Variants in ADAMTS17 observed in about 807,000 individuals in gnomAD.
ADAMTS17 encodes the protein ADAM metallopeptidase with thrombospondin type 1 motif 17.
A neutral mutation model predicts 141.5 loss-of-function variants in ADAMTS17; 113 were observed. The ratio of observed to expected loss-of-function variants is 0.80; its 90% CI spans 0.69 to 0.93. The LOEUF is 0.93. Among genes scored for constraint, ADAMTS17 ranks in the 40% least tolerant of loss-of-function variants. The pLI is 0.00. For missense variants in ADAMTS17, 1,659 were observed against 1,517.9 expected, an observed-to-expected ratio of 1.09 and a Z score of -1.54; for synonymous variants, 768 against 630.6, an observed-to-expected ratio of 1.22 and a Z score of -3.27.
intron 6 of ADAMTS17, among the ~76,000 whole-genome samples, chr15:100,257,954 T>C (rs60809787): frequency 0.045 from 6,781 of 152,284 alleles, 288 homozygotes; most frequent in African/African-American, 0.11. Flanking sequence ...CCATTCTTTA[T>C]CTCTACGAAT....
chr15:100,225,084 T>C (rs1290395657), intron 7 of ADAMTS17, among the ~76,000 whole-genome samples: 1 of 152,236 alleles, frequency 6.6e-6, no homozygotes, highest in Non-Finnish European at 1.5e-5. Flanking sequence ...AACCTGCCTT[T>C]GTAGGCTGAA....
rs560901343 is a variant in ADAMTS17 at position 100,337,989 on chromosome 15, A to C, written c.450+3050T>G. 5.9e-5 allele frequency among the ~76,000 whole-genome samples: 9 copies of C among 152,344 alleles called. 1 individual carries two copies. In the South Asian group the frequency reaches 1.9e-3, roughly 32 times the overall value. On this transcript the variant is annotated intron_variant, in intron 2 of 21. Coordinates refer to ENST00000268070, the MANE Select transcript of ADAMTS17 (RefSeq NM_139057.4). The stretch of plus-strand genomic sequence containing the variant: ...TGTAAAGGCCTTCCTCAGACACCTG[A>C]AGTTCATGCTTTGAAATGATATGCT...
At chr15:100,189,071 G>A (rs549710411) in intron 8 of ADAMTS17, among the ~76,000 whole-genome samples, 1 of 152,162 alleles carries the variant, frequency 6.6e-6, no homozygotes, top group Admixed American at 6.5e-5. Flanking sequence ...CGAGTCCCCT[G>A]GCAGGCCTGA....
At chr15:100,108,614 C>T (rs937472350) in intron 14 of ADAMTS17, among the ~76,000 whole-genome samples, 14 of 152,360 alleles carry the variant, frequency 9.2e-5, no homozygotes, top group African/African-American at 3.4e-4. Context: ...GTGACCTGCA[C>T]AGGCATTGGC....
intron 21 of ADAMTS17, 135 bp from the exon 22 acceptor site, chr15:99,974,697 T>A: frequency 8.4e-7 from 1 of 1,192,550 alleles, no homozygotes; most frequent in Non-Finnish European, 1.2e-6. Flanking sequence ...TTGCACTGAT[T>A]AGGCCATGCC....
At position 100,054,167 on chromosome 15, in the gene ADAMTS17, G is replaced by A; in HGVS notation, c.2138-113C>T. The A allele has an allele frequency of 6.5e-6, 8 of 1,231,370 alleles. No individual in the cohort carries two copies. In the South Asian group the frequency reaches 9.7e-5, roughly 15 times the overall value. 76.3% of individuals were successfully genotyped at this position (1,231,370 alleles called of 1,614,324 possible). On this transcript the variant is annotated intron_variant, in intron 15 of 21. Coordinates refer to ENST00000268070, the MANE Select transcript of ADAMTS17 (RefSeq NM_139057.4). ...TGGGGCAGAGGTCTCCCTTCCACAG[G>A]GGGAAGGAGGGAGGCCTGAAGCGAG...
chr15:100,032,747 G>C (rs1488513767), intron 18 of ADAMTS17, among the ~76,000 whole-genome samples: 5 of 152,214 alleles, frequency 3.3e-5, no homozygotes, highest in African/African-American at 7.2e-5. Flanking sequence ...ACATTGTTTT[G>C]CATTCTGTTA....
chr15:100,151,679 G>A (rs1183515470), intron 10 of ADAMTS17, among the ~76,000 whole-genome samples: 1 of 152,166 alleles, frequency 6.6e-6, no homozygotes, highest in African/African-American at 2.4e-5. Flanking sequence ...CTTCTCCACA[G>A]GATGGTGCAG....
chr15:100,192,810 G>T (rs2040967588), intron 8 of ADAMTS17, among the ~76,000 whole-genome samples: 1 of 152,120 alleles, frequency 6.6e-6, no homozygotes, highest in Non-Finnish European at 1.5e-5. Context: ...CTTTTCATTT[G>T]AACCATGTCA....
chr15:100,031,140 T>C (rs924486675), intron 18 of ADAMTS17, among the ~76,000 whole-genome samples: 2 of 152,240 alleles, frequency 1.3e-5, no homozygotes, highest in Admixed American at 6.5e-5. Flanking sequence ...TGGGTTTGCA[T>C]GCAGCTAGGG....
intron 7 of ADAMTS17, among the ~76,000 whole-genome samples, chr15:100,238,297 C>CT (rs766344237): frequency 6.6e-6 from 1 of 151,900 alleles, no homozygotes; most frequent in Non-Finnish European, 1.5e-5. Context: ...TCCATGTTCC[C>CT]TTTATCGCCA....
Position 100,294,750 on chromosome 15 carries a change from C to T in ADAMTS17, c.617-13349G>A, listed in dbSNP as rs191852209. Reference sequence around the variant, plus strand: ...GGGGCTCCCCAACATCCCACTCTAACATCTCAACATTCCAGGGGGAGTGGA... The same window carrying T: ...GGGGCTCCCCAACATCCCACTCTAATATCTCAACATTCCAGGGGGAGTGGA... On this transcript the variant is annotated intron_variant, in intron 3 of 21. Transcript: ENST00000268070. Among the ~76,000 whole-genome samples, 6 of 152,366 alleles carry T rather than the reference C, an allele frequency of 3.9e-5. No homozygotes were observed. In the East Asian group the frequency reaches 1.2e-3, roughly 29 times the overall value.
At chr15:100,130,256 T>C (rs1239774863) in intron 12 of ADAMTS17, among the ~76,000 whole-genome samples, 2 of 151,048 alleles carry the variant, frequency 1.3e-5, no homozygotes, top group Admixed American at 6.6e-5. Flanking sequence ...CCCAGCTACT[T>C]GCGAGGCTGA....
At chr15:100,150,555 G>T (rs2039112798) in intron 10 of ADAMTS17, among the ~76,000 whole-genome samples, 1 of 152,190 alleles carries the variant, frequency 6.6e-6, no homozygotes, top group East Asian at 1.9e-4. Flanking sequence ...GAGACTGTGA[G>T]TCCCCAGTAC....
chr15:100,097,203 A>G (rs564701638), intron 14 of ADAMTS17, among the ~76,000 whole-genome samples: 2 of 152,292 alleles, frequency 1.3e-5, no homozygotes, highest in African/African-American at 4.8e-5. Flanking sequence ...TATCCTGCAA[A>G]ATAACCTAAA....
intron 3 of ADAMTS17, among the ~76,000 whole-genome samples, chr15:100,294,096 C>T (rs1005936377): frequency 7.9e-5 from 12 of 152,152 alleles, no homozygotes; most frequent in African/African-American, 1.9e-4. Context: ...AAGAGGCCCA[C>T]GCTCAGCCTC....
chr15:100,321,382 A>G (rs2045729250), intron 3 of ADAMTS17, among the ~76,000 whole-genome samples: 4 of 152,224 alleles, frequency 2.6e-5, no homozygotes, highest in Admixed American at 2.6e-4. Flanking sequence ...TGAAAACACT[A>G]ACTCTGCCAA....
chr15:100,189,559 G>A (rs2040843567), intron 8 of ADAMTS17, among the ~76,000 whole-genome samples: 1 of 152,136 alleles, frequency 6.6e-6, no homozygotes, highest in African/African-American at 2.4e-5. Context: ...TACCAAAGCA[G>A]CACATGCCTC....
rs1367000142 is a variant in ADAMTS17, at chr15:99,972,767, C to T, written c.*1635G>A. On this transcript the variant is annotated 3_prime_UTR_variant, in exon 22 of 22. Transcript: ENST00000268070. ...ATTCCCTGACATCCCTACCGCTTCTCTGCCTCTAGGGTAGTAAAAACAAAA... is the reference window on the plus strand; with the variant it reads ...ATTCCCTGACATCCCTACCGCTTCTTTGCCTCTAGGGTAGTAAAAACAAAA... 1 of 152,232 alleles carries T rather than the reference C, an allele frequency of 6.6e-6. No homozygotes were observed. Among genetic ancestry groups the T allele is most frequent in the East Asian group, 1.9e-4 (1 of 5,198 alleles). The allele number at this position is 152,232 out of a possible 1,614,324, so 9.4% of individuals were successfully genotyped here. A position where few individuals can be genotyped will look rare whatever the true frequency, so the allele number is the denominator to read the frequency against.
Sources: allele counts gnomAD v4.1 joint callset (sites outside exome capture counted in the v4.1 genomes callset), GRCh38; gene constraint gnomAD v4.1.1; transcripts MANE v1.5; gene names NCBI Gene and HGNC (gene_info 2026-07-23, HGNC 2026-07-21).